KCNH7: variants seen among roughly 807,000 people sequenced by gnomAD.
The protein encoded by KCNH7 is potassium voltage-gated channel subfamily H member 7.
Under a neutral mutation model 120.8 loss-of-function variants are expected in KCNH7, and 49 were observed. That is an observed-to-expected ratio of 0.41 (90% CI 0.32 to 0.51). The LOEUF (loss-of-function observed/expected upper bound fraction) is 0.51, where lower values mean the gene tolerates loss of function less well. Ranked by LOEUF, KCNH7 falls within the 20% of genes least tolerant of loss-of-function variation. KCNH7 has a pLI of 0.38. For synonymous variants in KCNH7, 547 were observed against 516.1 expected, an observed-to-expected ratio of 1.06 and a Z score of -0.81; for missense variants, 1,097 against 1,446.6, an observed-to-expected ratio of 0.76 and a Z score of 3.92.
At chr2:162,732,218 A>T (rs1486638431) in intron 2 of KCNH7, among the ~76,000 whole-genome samples, 1 of 152,110 alleles carries the variant, frequency 6.6e-6, no homozygotes, top group African/African-American at 2.4e-5. Context: ...GTAGCAAAGT[A>T]TCTCCTGAGC....
intron 2 of KCNH7, among the ~76,000 whole-genome samples, chr2:162,588,834 T>C (rs1366600558): frequency 6.6e-6 from 1 of 152,188 alleles, no homozygotes; most frequent in South Asian, 2.1e-4. Context: ...GTTCCTCCTA[T>C]CTAGCTGTAA....
intron 2 of KCNH7, among the ~76,000 whole-genome samples, chr2:162,670,362 T>C (rs1269795382): frequency 4.0e-5 from 6 of 148,678 alleles, no homozygotes; most frequent in African/African-American, 1.5e-4. Flanking sequence ...TAGTCTTAGC[T>C]ACTCGGGAGT....
chr2:162,707,989 C>T (rs946638136), intron 2 of KCNH7, among the ~76,000 whole-genome samples: 1 of 151,806 alleles, frequency 6.6e-6, no homozygotes, highest in Non-Finnish European at 1.5e-5. Context: ...AAATTATAAC[C>T]TCCCCATCTA....
chr2:162,543,796 G>C (rs529139421), intron 2 of KCNH7, among the ~76,000 whole-genome samples: 1 of 152,068 alleles, frequency 6.6e-6, no homozygotes, highest in African/African-American at 2.4e-5. Flanking sequence ...TTAATACTGT[G>C]GGGAAGGTCA....
At chr2:162,687,618 A>G (rs1685942557) in intron 2 of KCNH7, among the ~76,000 whole-genome samples, 1 of 152,052 alleles carries the variant, frequency 6.6e-6, no homozygotes, top group East Asian at 1.9e-4. Context: ...TATTTACACC[A>G]CGAAAGTTGG....
chr2:162,674,036 A>G (rs1214432601), intron 2 of KCNH7, among the ~76,000 whole-genome samples: 1 of 151,924 alleles, frequency 6.6e-6, no homozygotes, highest in East Asian at 1.9e-4. Flanking sequence ...ATTGCTAGTA[A>G]ATATAATCTA....
intron 2 of KCNH7, among the ~76,000 whole-genome samples, chr2:162,557,788 C>A (rs1418366604): frequency 6.6e-6 from 1 of 151,992 alleles, no homozygotes; most frequent in East Asian, 1.9e-4. Flanking sequence ...TTCTGAAAGT[C>A]TATTTTTCTG....
chr2:162,407,122 A>T (rs1200656894), intron 9 of KCNH7, among the ~76,000 whole-genome samples: 1 of 152,060 alleles, frequency 6.6e-6, no homozygotes, highest in Non-Finnish European at 1.5e-5. Flanking sequence ...TTGTCAAAGC[A>T]GAGCATTATG....
At chr2:162,628,472 A>C (rs1683636837) in intron 2 of KCNH7, among the ~76,000 whole-genome samples, 1 of 152,114 alleles carries the variant, frequency 6.6e-6, no homozygotes, top group Non-Finnish European at 1.5e-5. Context: ...TCAGGGGTAC[A>C]TAAGCGGGTT....
intron 2 of KCNH7, among the ~76,000 whole-genome samples, chr2:162,554,518 G>A (rs545447521): frequency 2.0e-5 from 3 of 152,238 alleles, no homozygotes; most frequent in South Asian, 2.1e-4. Context: ...CTGGAGGCCC[G>A]AAGAGTGAAT....
chr2:162,521,896 T>C (rs1455796614), intron 3 of KCNH7, among the ~76,000 whole-genome samples: 2 of 151,812 alleles, frequency 1.3e-5, no homozygotes, highest in Non-Finnish European at 2.9e-5. Context: ...CCCCACTTTA[T>C]CCCCCACCCC....
intron 2 of KCNH7, among the ~76,000 whole-genome samples, chr2:162,684,200 A>G (rs1185402986): frequency 1.3e-5 from 2 of 152,200 alleles, no homozygotes; most frequent in Admixed American, 6.5e-5. Flanking sequence ...AAATTAACTC[A>G]AGATGGATTA....
intron 2 of KCNH7, among the ~76,000 whole-genome samples, chr2:162,639,045 T>A (rs1391268683): frequency 6.6e-6 from 1 of 152,094 alleles, no homozygotes; most frequent in Non-Finnish European, 1.5e-5. Flanking sequence ...GCCTATTAGA[T>A]ACTAATAGCA....
chr2:162,761,507 T>C (rs1386635778), intron 2 of KCNH7, among the ~76,000 whole-genome samples: 1 of 152,088 alleles, frequency 6.6e-6, no homozygotes, highest in African/African-American at 2.4e-5. Context: ...AGTCAAAATA[T>C]CTGATTCGAT....
chr2:162,662,069 C>T (rs1285136973), intron 2 of KCNH7, among the ~76,000 whole-genome samples: 2 of 151,948 alleles, frequency 1.3e-5, no homozygotes, highest in Non-Finnish European at 2.9e-5. Flanking sequence ...CAAGACCAGC[C>T]TGGTCAAGAT....
intron 2 of KCNH7, among the ~76,000 whole-genome samples, chr2:162,659,706 A>AT (rs1037514044): frequency 2.6e-5 from 4 of 152,142 alleles, no homozygotes; most frequent in African/African-American, 7.2e-5. Flanking sequence ...CTGTTGAAGT[A>AT]TTTTTTATCT....
At chr2:162,456,446 T>C (rs1688966661) in intron 6 of KCNH7, among the ~76,000 whole-genome samples, 1 of 152,168 alleles carries the variant, frequency 6.6e-6, no homozygotes, top group African/African-American at 2.4e-5. Context: ...GATTTTAGAA[T>C]AAGTGTCATG....
chr2:162,375,908 A>G (rs116329494), intron 14 of KCNH7, among the ~76,000 whole-genome samples: 3,072 of 151,816 alleles, frequency 0.02, 98 homozygotes, highest in African/African-American at 0.07. Context: ...AAAAAAAAAA[A>G]AAAGAAAAAA....
chr2:162,794,450 C>A (rs116066651), intron 2 of KCNH7, among the ~76,000 whole-genome samples: 2,422 of 152,090 alleles, frequency 0.016, 58 homozygotes, highest in African/African-American at 0.05. Context: ...CAGTCCTGGG[C>A]TAGAAAAAGA....
Sources: gnomAD v4.1 joint callset for allele counts (sites outside exome capture counted in the v4.1 genomes callset) on GRCh38, gnomAD v4.1.1 for gene constraint, MANE v1.5 for transcripts, NCBI Gene and HGNC (gene_info 2026-07-23, HGNC 2026-07-21) for gene names.